Variants in CPXM2 observed in about 807,000 individuals in gnomAD.
CPXM2 encodes carboxypeptidase X, M14 family member 2.
Under a neutral mutation model 86.1 loss-of-function variants are expected in CPXM2, and 66 were observed. The ratio of observed to expected loss-of-function variants is 0.77; its 90% CI spans 0.63 to 0.94. The LOEUF (loss-of-function observed/expected upper bound fraction) is 0.94, where lower values mean the gene tolerates loss of function less well. CPXM2 is among the 40% of genes least tolerant of loss of function. The probability of loss-of-function intolerance (pLI) is 0.00; values close to 1 mark genes in which losing one functional copy is unlikely to be tolerated. For missense variants in CPXM2, 948 were observed against 1,026.3 expected (o/e 0.92, Z 1.04); for synonymous variants, 388 against 400.2 (o/e 0.97, Z 0.36).
chr10:123,850,677 G>C (rs1392124037), intron 3 of CPXM2, among the ~76,000 whole-genome samples: 2 of 152,190 alleles, frequency 1.3e-5, no homozygotes, highest in Non-Finnish European at 1.5e-5. Flanking sequence ...ATATGCCCAG[G>C]AGACAAGTAA....
chr10:123,769,072 T>C (rs1444073744), intron 8 of CPXM2, among the ~76,000 whole-genome samples: 1 of 152,230 alleles, frequency 6.6e-6, no homozygotes, highest in Non-Finnish European at 1.5e-5. Flanking sequence ...GGGAGGCAAT[T>C]ATTTTTCTTA....
intron 4 of CPXM2, among the ~76,000 whole-genome samples, chr10:123,837,603 T>C (rs1298157292): frequency 6.6e-6 from 1 of 152,200 alleles, no homozygotes; most frequent in African/African-American, 2.4e-5. Context: ...AATAAAAGAC[T>C]GCTTTTCATT....
At chr10:123,926,632 A>G (rs895433451) in intron 2 of CPXM2, among the ~76,000 whole-genome samples, 2 of 152,248 alleles carry the variant, frequency 1.3e-5, no homozygotes, top group African/African-American at 4.8e-5. Context: ...CTTAACAGAG[A>G]TACATCCAGA....
intron 6 of CPXM2, among the ~76,000 whole-genome samples, chr10:123,790,358 C>A (rs1847178430): frequency 2.0e-5 from 3 of 150,086 alleles, no homozygotes; most frequent in Non-Finnish European, 3.0e-5. Context: ...AGGGGTGACT[C>A]AGGATGGAGC....
At chr10:123,835,110 C>T (rs1848251743) in intron 4 of CPXM2, among the ~76,000 whole-genome samples, 1 of 152,148 alleles carries the variant, frequency 6.6e-6, no homozygotes, top group African/African-American at 2.4e-5. Context: ...CACCAATGGA[C>T]TAAGACATGG....
chr10:123,784,392 C>T (rs1374018398), intron 6 of CPXM2, among the ~76,000 whole-genome samples: 1 of 152,156 alleles, frequency 6.6e-6, no homozygotes, highest in Non-Finnish European at 1.5e-5. Context: ...TTACTCTAAG[C>T]CACCAGTTTG....
At chr10:123,792,274 G>A (rs1331322623) in intron 6 of CPXM2, among the ~76,000 whole-genome samples, 3 of 152,158 alleles carry the variant, frequency 2.0e-5, no homozygotes, top group Non-Finnish European at 4.4e-5. Flanking sequence ...AAAATCAAGT[G>A]TATTGAGCAC....
chr10:123,794,770 C>T (rs60445664), intron 6 of CPXM2, among the ~76,000 whole-genome samples: 29,255 of 131,976 alleles, frequency 0.22, 4,626 homozygotes, highest in African/African-American at 0.49. Flanking sequence ...TGTGTGTGTG[C>T]GCATGTGTGT....
At chr10:123,871,837 C>T (rs368903868) in intron 2 of CPXM2, among the ~76,000 whole-genome samples, 100 of 152,150 alleles carry the variant, frequency 6.6e-4, no homozygotes, top group Admixed American at 5.1e-3. Context: ...TCATATTCAT[C>T]GTATTTTCAA....
chr10:123,750,380 G>C, intron 13 of CPXM2: 1 of 971,698 alleles, frequency 1.0e-6, no homozygotes, highest in Non-Finnish European at 1.2e-6. Flanking sequence ...AGCCACACAA[G>C]TCTTCCTTTT....
chr10:123,898,023 C>A, intron 2 of CPXM2, among the ~76,000 whole-genome samples: 1 of 152,368 alleles, frequency 6.6e-6, no homozygotes, highest in Admixed American at 6.5e-5. Context: ...ACCTCCCACA[C>A]CTGTAGTCTG....
intron 3 of CPXM2, chr10:123,843,133 TC>T: frequency 9.4e-6 from 3 of 318,434 alleles, no homozygotes; most frequent in Non-Finnish European, 1.8e-5. Flanking sequence ...TTTTTTTTTT[TC>T]AGAGATGGAG....
chr10:123,755,870 C>T (rs1018161287), intron 12 of CPXM2, among the ~76,000 whole-genome samples: 2 of 152,216 alleles, frequency 1.3e-5, no homozygotes, highest in African/African-American at 4.8e-5. Flanking sequence ...CAGGTTGTTA[C>T]AGTCAAGTCT....
At chr10:123,815,426 A>C (rs775180800) in intron 4 of CPXM2, among the ~76,000 whole-genome samples, 43 of 152,208 alleles carry the variant, frequency 2.8e-4, no homozygotes, top group Non-Finnish European at 5.6e-4. Context: ...TCATTGGAAA[A>C]GAATGGGATC....
chr10:123,782,045 G>C (rs1199169831), intron 6 of CPXM2, among the ~76,000 whole-genome samples: 1 of 152,190 alleles, frequency 6.6e-6, no homozygotes, highest in Non-Finnish European at 1.5e-5. Flanking sequence ...ACAAATAACT[G>C]TTATGCGAAG....
chr10:123,749,982 T>G (rs998705510), intron 13 of CPXM2: 42 of 339,910 alleles, frequency 1.2e-4, no homozygotes, highest in Non-Finnish European at 1.1e-4. Flanking sequence ...ATTTTTGTTT[T>G]TTTTTTTTTT....
At chr10:123,877,976 C>T (rs1282018177) in intron 2 of CPXM2, among the ~76,000 whole-genome samples, 3 of 152,130 alleles carry the variant, frequency 2.0e-5, no homozygotes, top group Admixed American at 6.5e-5. Context: ...AAGTGGCTGA[C>T]ATCTGCTCTG....
At chr10:123,859,742 C>G (rs557060501) in intron 3 of CPXM2, among the ~76,000 whole-genome samples, 2 of 152,346 alleles carry the variant, frequency 1.3e-5, no homozygotes, top group African/African-American at 4.8e-5. Flanking sequence ...CCATGCACGG[C>G]CTCCTTTTCA....
intron 4 of CPXM2, among the ~76,000 whole-genome samples, chr10:123,835,285 C>T (rs871890): frequency 0.082 from 12,457 of 152,128 alleles, 572 homozygotes; most frequent in Middle Eastern, 0.18. Flanking sequence ...TCAAATAAAG[C>T]GGGGTGGAAG....
Sources: gnomAD v4.1 joint callset for allele counts (sites outside exome capture counted in the v4.1 genomes callset) on GRCh38, gnomAD v4.1.1 for gene constraint, MANE v1.5 for transcripts, NCBI Gene and HGNC (gene_info 2026-07-23, HGNC 2026-07-21) for gene names.